The following CLVS2 variants were observed in gnomAD, a reference collection of about 807,000 sequenced individuals.
CLVS2 encodes clavesin-2.
In CLVS2, 19 loss-of-function variants were observed where a neutral mutation model predicts 29.0. The ratio of observed to expected loss-of-function variants is 0.66; its 90% confidence interval spans 0.46 to 0.96. The LOEUF (loss-of-function observed/expected upper bound fraction) is 0.96. Ranked by LOEUF, CLVS2 falls within the 40% of genes least tolerant of loss-of-function variation. The probability of loss-of-function intolerance (pLI) is 0.00; values close to 1 mark genes in which losing one functional copy is unlikely to be tolerated. For synonymous variants in CLVS2, 161 were observed against 151.3 expected (o/e 1.06, Z -0.47); for missense variants, 294 against 404.1 (o/e 0.73, Z 2.34).
intron 3 of CLVS2, among the ~76,000 whole-genome samples, chr6:123,033,002 A>G (rs1775104948): frequency 6.6e-6 from 1 of 151,438 alleles, no homozygotes; most frequent in African/African-American, 2.4e-5. Flanking sequence ...TCTTAGTTGT[A>G]TTTTTTTCTG....
chr6:123,054,531 A>G (rs1231100389), intron 4 of CLVS2, among the ~76,000 whole-genome samples: 1 of 152,200 alleles, frequency 6.6e-6, no homozygotes, highest in African/African-American at 2.4e-5. Flanking sequence ...TTCTAATTTT[A>G]TTTGATATTG....
intron 4 of CLVS2, among the ~76,000 whole-genome samples, chr6:123,055,383 G>A (rs970667145): frequency 5.3e-5 from 8 of 152,142 alleles, no homozygotes; most frequent in African/African-American, 1.9e-4. Context: ...AACTTGCATA[G>A]GCTCTGTAAT....
intron 3 of CLVS2, among the ~76,000 whole-genome samples, chr6:123,015,468 A>G (rs1042825350): frequency 1.1e-4 from 17 of 152,078 alleles, no homozygotes; most frequent in African/African-American, 4.1e-4. Context: ...AAGATGCTTA[A>G]TCAAGTTTTC....
At chr6:123,032,355 A>G (rs1775094501) in intron 3 of CLVS2, among the ~76,000 whole-genome samples, 1 of 152,096 alleles carries the variant, frequency 6.6e-6, no homozygotes. Context: ...GGGGAGACAA[A>G]TATGTGTTTT....
intron 3 of CLVS2, among the ~76,000 whole-genome samples, chr6:123,024,454 G>A (rs557871433): frequency 3.3e-5 from 5 of 152,100 alleles, no homozygotes; most frequent in African/African-American, 1.2e-4. Context: ...ACCCTCAATG[G>A]TAACAAAAAC....
At chr6:123,051,871 G>A (rs576961746) in intron 4 of CLVS2, among the ~76,000 whole-genome samples, 81 of 152,240 alleles carry the variant, frequency 5.3e-4, no homozygotes, top group Middle Eastern at 3.4e-3. Context: ...GAGAAAAATA[G>A]TAAAATGTTA....
At chr6:123,027,448 T>C (rs1363556579) in intron 3 of CLVS2, among the ~76,000 whole-genome samples, 1 of 152,186 alleles carries the variant, frequency 6.6e-6, no homozygotes, top group African/African-American at 2.4e-5. Flanking sequence ...GATAGTTTTG[T>C]CTACGTCCTC....
Position 123,067,531 on chromosome 6 carries a change from C to T in CLVS2, c.*3770C>T, listed in dbSNP as rs1772881196. On this transcript the variant is annotated 3_prime_UTR_variant, in exon 6 of 6. Transcript: ENST00000275162. ...TTTTGTGTATATTTATTAATGATTA[C>T]ATGAAAAGTTGCCATCAGCCATGAG... 6.6e-6 allele frequency: 1 copy of T among 151,700 alleles called. No individual in the cohort carries two copies. Among genetic ancestry groups the T allele is most frequent in the Non-Finnish European group, 1.5e-5 (1 of 67,748 alleles). 9.4% of individuals were successfully genotyped at this position (151,700 alleles called of 1,614,324 possible). A position where few individuals can be genotyped will look rare whatever the true frequency, so the allele number is the denominator to read the frequency against.
At chr6:122,998,422 A>G (rs1212141943) in intron 2 of CLVS2, among the ~76,000 whole-genome samples, 1 of 152,182 alleles carries the variant, frequency 6.6e-6, no homozygotes, top group African/African-American at 2.4e-5. Context: ...ACGTTATTGC[A>G]CAGAGATCTA....
intron 3 of CLVS2, among the ~76,000 whole-genome samples, chr6:123,023,130 G>A (rs969638584): frequency 9.2e-5 from 14 of 152,186 alleles, no homozygotes; most frequent in African/African-American, 3.4e-4. Context: ...ACATCGTTTA[G>A]GAACCATCAG....
At chr6:123,034,822 G>A (rs552332546) in intron 3 of CLVS2, among the ~76,000 whole-genome samples, 3 of 152,102 alleles carry the variant, frequency 2.0e-5, no homozygotes, top group South Asian at 2.1e-4. Flanking sequence ...GGGAGAAGCC[G>A]GGCAAGGGGT....
chr6:123,010,580 T>C (rs558627188), intron 2 of CLVS2, among the ~76,000 whole-genome samples: 3 of 152,162 alleles, frequency 2.0e-5, no homozygotes, highest in African/African-American at 7.2e-5. Context: ...TTTCATTTAT[T>C]GATGAGACTC....
At chr6:123,004,336 C>T (rs1159885995) in intron 2 of CLVS2, among the ~76,000 whole-genome samples, 5 of 152,150 alleles carry the variant, frequency 3.3e-5, no homozygotes, top group Non-Finnish European at 5.9e-5. Context: ...TCATTTCCAA[C>T]GATTCTCTTG....
chr6:123,011,087 G>A lies in CLVS2; in HGVS notation c.492G>A (p.Trp164Ter), dbSNP rs1774742589. ...ATGGGTTTGTTTTGATCATAGACTG[G>A]AGTAACTTCACTTTCAAGCAAGCCT... ...QVNGFVLIID[W>*]SNFTFKQASK... The change falls in exon 3 of 6, where the codon TGG becomes TGA. Residue 164 changes from tryptophan (W) to a stop codon, truncating the protein, a stop_gained. Transcript: ENST00000275162. LOFTEE classifies it high-confidence loss of function. 6.2e-7 allele frequency: 1 copy of A among 1,611,466 alleles called. No individual in the cohort carries two copies. Among genetic ancestry groups the A allele is most frequent in the African/African-American group, 1.3e-5 (1 of 74,684 alleles).
Position 123,049,806 on chromosome 6 carries a change from G to GGC in CLVS2, c.675+1075_675+1076insCG, listed in dbSNP as rs1044943617. Among the ~76,000 whole-genome samples, 19 of 139,172 alleles carry GGC rather than the reference G, an allele frequency of 1.4e-4. 2 individuals carry two copies. Among genetic ancestry groups the GGC allele is most frequent in the South Asian group, 2.3e-4 (1 of 4,340 alleles). 91.3% of individuals were successfully genotyped at this position (139,172 alleles called of 152,430 possible). ...ACACACCGGGGCCTGTTGTGGGATG[G>GGC]GGGGCGGGGAGGAATAGCATTAGGA... On this transcript the variant is annotated intron_variant, in intron 4 of 5. Transcript: ENST00000275162.
chr6:123,050,021 C>G (rs770731620), intron 4 of CLVS2, among the ~76,000 whole-genome samples: 1 of 152,106 alleles, frequency 6.6e-6, no homozygotes, highest in Non-Finnish European at 1.5e-5. Flanking sequence ...AGTGAATTTG[C>G]GCTCCTGAAA....
At chr6:123,012,023 A>T (rs1774755342) in intron 3 of CLVS2, among the ~76,000 whole-genome samples, 2 of 151,884 alleles carry the variant, frequency 1.3e-5, no homozygotes, top group Non-Finnish European at 2.9e-5. Context: ...ATAACTGCTG[A>T]CCTCTTAAAA....
chr6:123,072,064 CTTG>C lies in CLVS2; in HGVS notation c.*8308_*8310del, dbSNP rs1024484557. 1.3e-5 allele frequency: 2 copies of C among 151,992 alleles called. No individual in the cohort carries two copies. Among genetic ancestry groups the C allele is most frequent in the African/African-American group, 4.8e-5 (2 of 41,416 alleles). The allele number at this position is 151,992 out of a possible 1,614,324, so 9.4% of individuals were successfully genotyped here. ...TAACTAAATGACCTAGATATTGGTT[CTTG>C]TTGTGATAGGTTTCTGATTTGTATC... On this transcript the variant is annotated 3_prime_UTR_variant, in exon 6 of 6. Coordinates refer to ENST00000275162, the MANE Select transcript of CLVS2 (RefSeq NM_001010852.4).
At chr6:123,057,350 T>C (rs796882496) in intron 5 of CLVS2, among the ~76,000 whole-genome samples, 2 of 143,142 alleles carry the variant, frequency 1.4e-5, no homozygotes, top group South Asian at 4.7e-4. Context: ...TTTTTTTTTT[T>C]TTTTTTTTTT....
Sources: allele counts gnomAD v4.1 joint callset (sites outside exome capture counted in the v4.1 genomes callset), GRCh38; gene constraint gnomAD v4.1.1; transcripts MANE v1.5; gene names NCBI Gene and HGNC (gene_info 2026-07-23, HGNC 2026-07-21).